Variants in EYS observed in about 807,000 individuals in gnomAD.
EYS encodes the protein EGF-like photoreceptor maintenance factor.
A neutral mutation model predicts 282.1 loss-of-function variants in EYS; 250 were observed. The observed-to-expected ratio is 0.89, with a 90% CI of 0.80 to 0.98. EYS has a LOEUF of 0.98. Among genes scored for constraint, EYS ranks in the 50% least tolerant of loss-of-function variants. The probability of loss-of-function intolerance (pLI) is 0.00; values close to 1 mark genes in which losing one functional copy is unlikely to be tolerated. For synonymous variants in EYS, 1,355 were observed against 1,282.9 expected (o/e 1.06, Z -1.20); for missense variants, 4,016 against 3,709.0 (o/e 1.08, Z -2.15).
Position 65,210,918 on chromosome 6 carries a change from A to G in EYS, c.2023+84945T>C, listed in dbSNP as rs115410337. On this transcript the variant is annotated intron_variant, in intron 12 of 42. Transcript: ENST00000503581. ...CCTTTCCTGATGTTTTAATTTACCT[A>G]TAAAGTCGTACAAACACACACACAC... Among the ~76,000 whole-genome samples, 425 of 143,666 alleles carry G rather than the reference A, an allele frequency of 3.0e-3. 3 individuals carry two copies. Among genetic ancestry groups the G allele is most frequent in the African/African-American group, 0.011 (410 of 37,386 alleles). 94.3% of individuals were successfully genotyped at this position (143,666 alleles called of 152,430 possible). A position where few individuals can be genotyped will look rare whatever the true frequency, so the allele number is the denominator to read the frequency against.
At chr6:65,275,326 G>C (rs1265350111) in intron 12 of EYS, among the ~76,000 whole-genome samples, 1 of 152,272 alleles carries the variant, frequency 6.6e-6, no homozygotes, top group Middle Eastern at 3.4e-3. Context: ...CATGTGACCT[G>C]AGTTTCCCAT....
rs369584081 is a variant in EYS at position 65,098,088 on chromosome 6, T to G, written c.2024-40361A>C. Among the ~76,000 whole-genome samples, 5 of 150,832 alleles carry G rather than the reference T, an allele frequency of 3.3e-5. No homozygotes were observed. The East Asian group carries it at 9.7e-4, about 29-fold the overall frequency. ...CTACCAATATGTAGGGACAGTTATC[T>G]CGGAGGTAACACTCTTTTGTAAAAT... is the stretch of plus-strand genomic sequence containing the variant. On this transcript the variant is annotated intron_variant, in intron 12 of 42. Transcript: ENST00000503581.
chr6:64,548,303 T>C lies in EYS; in HGVS notation c.5644+41920A>G, dbSNP rs138471380. The stretch of plus-strand genomic sequence containing the variant: ...CAGGGATCTAGAACTAGAATTACCA[T>C]TTGACCCAGCAATTACATTACTGGG... On this transcript the variant is annotated intron_variant, in intron 26 of 42. Transcript: ENST00000503581. Among the ~76,000 whole-genome samples the C allele has an allele frequency of 2.3e-3, 353 of 152,334 alleles. 4 individuals carry two copies. The highest frequency in any genetic ancestry group is 7.8e-3 in the African/African-American group (325 of 41,582).
intron 15 of EYS, among the ~76,000 whole-genome samples, chr6:64,938,638 CAT>C (rs1377032781): frequency 6.6e-6 from 1 of 151,598 alleles, no homozygotes; most frequent in Non-Finnish European, 1.5e-5. Context: ...CAATAAATTA[CAT>C]GAGATATTCA....
chr6:65,204,555 A>G (rs1186449146), intron 12 of EYS, among the ~76,000 whole-genome samples: 1 of 151,986 alleles, frequency 6.6e-6, no homozygotes, highest in African/African-American at 2.4e-5. Context: ...TAAACATGGA[A>G]ATAAAAGGAC....
chr6:64,779,443 C>T (rs6940561), intron 22 of EYS, among the ~76,000 whole-genome samples: 1 of 151,898 alleles, frequency 6.6e-6, no homozygotes, highest in South Asian at 2.1e-4. Flanking sequence ...AAAGAAAAAA[C>T]CATGGAGACT....
At chr6:64,994,393 T>C (rs926787408) in intron 14 of EYS, among the ~76,000 whole-genome samples, 2 of 152,094 alleles carry the variant, frequency 1.3e-5, no homozygotes, top group African/African-American at 4.8e-5. Context: ...TATAAAAATG[T>C]TAATTTAAAG....
intron 22 of EYS, among the ~76,000 whole-genome samples, chr6:64,635,830 G>A (rs1374789583): frequency 6.6e-6 from 1 of 152,082 alleles, no homozygotes; most frequent in Non-Finnish European, 1.5e-5. Flanking sequence ...GGATGATGCT[G>A]GCTTCATAAA....
chr6:64,290,606 T>C lies in EYS; in HGVS notation c.6191+16364A>G, dbSNP rs899667866. ...GTTATATTCAATGGGACTGAGAGAA[T>C]AGAGGATCTTAGGAAACCTCCATCC... On this transcript the variant is annotated intron_variant, in intron 30 of 42. Coordinates refer to ENST00000503581, the MANE Select transcript of EYS (RefSeq NM_001142800.2). Among the ~76,000 whole-genome samples the C allele has an allele frequency of 4.0e-5, 6 of 151,872 alleles. No individual in the cohort carries two copies. In the South Asian group the frequency reaches 6.2e-4, roughly 16 times the overall value.
intron 22 of EYS, among the ~76,000 whole-genome samples, chr6:64,677,324 G>T (rs1424972734): frequency 6.6e-6 from 1 of 151,710 alleles, no homozygotes; most frequent in African/African-American, 2.4e-5. Flanking sequence ...AGCTCTACTG[G>T]TTTTTTAAAA....
intron 1 of EYS, among the ~76,000 whole-genome samples, chr6:65,651,907 A>G (rs939209249): frequency 6.6e-6 from 1 of 152,114 alleles, no homozygotes; most frequent in Non-Finnish European, 1.5e-5. Context: ...GCAGTAATAA[A>G]TAACTAATAC....
intron 13 of EYS, among the ~76,000 whole-genome samples, chr6:64,999,490 C>T (rs1464170978): frequency 6.6e-6 from 1 of 152,112 alleles, no homozygotes; most frequent in East Asian, 1.9e-4. Flanking sequence ...TAGAGGAGGG[C>T]GTGGTCCCTG....
Position 64,082,015 on chromosome 6 carries a change from A to C in EYS, c.6425-13T>G. ...AATAAACCTGCATCTAAAAAAGAAA[A>C]TGGTATTAATATGTTCTGATAGCAT... On this transcript the variant is annotated splice_polypyrimidine_tract_variant and intron_variant, in intron 31 of 42. Coordinates refer to ENST00000503581, the MANE Select transcript of EYS (RefSeq NM_001142800.2). 1 of 1,505,584 alleles carries C rather than the reference A, an allele frequency of 6.6e-7. No homozygotes were observed. The highest frequency in any genetic ancestry group is 9.0e-7 in the Non-Finnish European group (1 of 1,109,188). The allele number at this position is 1,505,584 out of a possible 1,614,324, so 93.3% of individuals were successfully genotyped here.
chr6:64,685,425 T>C (rs1770058019), intron 22 of EYS, among the ~76,000 whole-genome samples: 1 of 152,194 alleles, frequency 6.6e-6, no homozygotes, highest in South Asian at 2.1e-4. Context: ...TGGGATCTGA[T>C]GGGAGGTGTT....
rs185287154 is a variant in EYS, at chr6:65,528,575, C to T, written c.-332-32582G>A. 2.4e-3 allele frequency among the ~76,000 whole-genome samples: 358 copies of T among 152,310 alleles called. 1 individual carries two copies. The highest frequency in any genetic ancestry group is 4.0e-3 in the Non-Finnish European group (269 of 68,044). On this transcript the variant is annotated intron_variant, in intron 2 of 42. Coordinates refer to ENST00000503581, the MANE Select transcript of EYS (RefSeq NM_001142800.2). ...CTCTTGCCGTCTCTCACCCTCTTGC[C>T]TTCTGCCATGTCATGGCCCAGCAAG...
intron 15 of EYS, among the ~76,000 whole-genome samples, chr6:64,921,402 C>T (rs765476672): frequency 6.6e-6 from 1 of 151,568 alleles, no homozygotes; most frequent in African/African-American, 2.4e-5. Flanking sequence ...ACAGATGGAA[C>T]TATAGAAATA....
intron 19 of EYS, among the ~76,000 whole-genome samples, chr6:64,861,014 G>T (rs1766218786): frequency 6.6e-6 from 1 of 152,166 alleles, no homozygotes; most frequent in Non-Finnish European, 1.5e-5. Flanking sequence ...TCCTGCTCCG[G>T]TCTACAGTAC....
rs556343309 is a variant in EYS at position 64,394,950 on chromosome 6, C to T, written c.5928-6110G>A. On this transcript the variant is annotated intron_variant, in intron 28 of 42. Transcript: ENST00000503581. ...AAATTTACAAGAAAAAAACAAACAA[C>T]CCCATCAAAAAGTGGGCGAAGGATA... Among the ~76,000 whole-genome samples, 1,315 of 152,192 alleles carry T rather than the reference C, an allele frequency of 8.6e-3. 27 individuals carry two copies. Among genetic ancestry groups the T allele is most frequent in the African/African-American group, 0.029 (1,206 of 41,528 alleles).
rs920132590 is a variant in EYS at position 64,125,785 on chromosome 6, CAAAAAAAAAA to C, written c.6425-43793_6425-43784del. Among the ~76,000 whole-genome samples, 325 of 50,030 alleles carry C rather than the reference CAAAAAAAAAA, an allele frequency of 6.5e-3. 2 individuals are homozygous for C. The highest frequency in any genetic ancestry group is 0.019 in the African/African-American group (308 of 15,826). 32.8% of individuals were successfully genotyped at this position (50,030 alleles called of 152,430 possible). ...TGGGCGACAGAGCAAGACTCCGTCT[CAAAAAAAAAA>C]AAAAAAAAAAAAAAGTTGTCAACTC... On this transcript the variant is annotated intron_variant, in intron 31 of 42. Coordinates refer to ENST00000503581, the MANE Select transcript of EYS (RefSeq NM_001142800.2).
Sources: allele counts gnomAD v4.1 joint callset (sites outside exome capture counted in the v4.1 genomes callset), GRCh38; gene constraint gnomAD v4.1.1; transcripts MANE v1.5; gene names NCBI Gene and HGNC (gene_info 2026-07-23, HGNC 2026-07-21).